The following ARL15 variants were observed in gnomAD, a reference collection of about 807,000 sequenced individuals.
The protein encoded by ARL15 is ADP-ribosylation factor-like protein 15.
A neutral mutation model predicts 25.2 loss-of-function variants in ARL15; 19 were observed. The observed-to-expected ratio is 0.75, with a 90% confidence interval of 0.53 to 1.10. The LOEUF (loss-of-function observed/expected upper bound fraction) is 1.10. Among genes scored for constraint, ARL15 ranks in the 50% least tolerant of loss-of-function variants. The probability of loss-of-function intolerance (pLI) is 0.00; values close to 1 mark genes in which losing one functional copy is unlikely to be tolerated. For missense variants in ARL15, 220 were observed against 246.0 expected (o/e 0.89, Z 0.71); for synonymous variants, 94 against 86.8 (o/e 1.08, Z -0.46).
intron 1 of ARL15, among the ~76,000 whole-genome samples, chr5:54,173,117 AG>A (rs951050565): frequency 3.0e-4 from 45 of 151,486 alleles, no homozygotes; most frequent in African/African-American, 1.0e-3. Flanking sequence ...TGGGTGGCAG[AG>A]GTTGCAGTGA....
rs5867914 is a variant in ARL15 at position 54,134,568 on chromosome 5, C to CTTTTT, written c.253+20007_253+20011dup. On this transcript the variant is annotated intron_variant, in intron 3 of 4. Coordinates refer to ENST00000504924, the MANE Select transcript of ARL15 (RefSeq NM_019087.3). Reference sequence around the variant, plus strand: ...GTGAGCTCCCTGAAGGAATGATTAGCTTTTTTTTTTTTTTTTTTTTTTTTT... The same window carrying CTTTTT: ...GTGAGCTCCCTGAAGGAATGATTAGCTTTTTTTTTTTTTTTTTTTTTTTTTTTTTT... Among the ~76,000 whole-genome samples the CTTTTT allele has an allele frequency of 7.7e-4, 40 of 51,804 alleles. 3 individuals are homozygous for CTTTTT. Among genetic ancestry groups the CTTTTT allele is most frequent in the Non-Finnish European group, 1.0e-3 (31 of 29,550 alleles). 34.0% of individuals were successfully genotyped at this position (51,804 alleles called of 152,430 possible). A position where few individuals can be genotyped will look rare whatever the true frequency, so the allele number is the denominator to read the frequency against.
intron 4 of ARL15, among the ~76,000 whole-genome samples, chr5:53,916,774 A>G (rs950958963): frequency 6.6e-6 from 1 of 152,114 alleles, no homozygotes; most frequent in Non-Finnish European, 1.5e-5. Flanking sequence ...TTAACAACAC[A>G]AGAAGGCCCA....
chr5:54,308,563 G>A (rs920333763), intron 1 of ARL15, among the ~76,000 whole-genome samples: 1 of 151,754 alleles, frequency 6.6e-6, no homozygotes, highest in African/African-American at 2.4e-5. Context: ...AAAACAAAAA[G>A]GCCAAGTCAA....
chr5:54,279,952 T>C (rs1340994581), intron 1 of ARL15, among the ~76,000 whole-genome samples: 1 of 152,210 alleles, frequency 6.6e-6, no homozygotes, highest in African/African-American at 2.4e-5. Context: ...AGGTCTACCA[T>C]GGCATTCGTG....
chr5:54,226,843 C>T (rs1756532170), intron 1 of ARL15, among the ~76,000 whole-genome samples: 1 of 152,072 alleles, frequency 6.6e-6, no homozygotes, highest in Admixed American at 6.5e-5. Flanking sequence ...CCCATAATTC[C>T]CAAGTGTTGT....
At chr5:54,306,654 G>A (rs1191922132) in intron 1 of ARL15, among the ~76,000 whole-genome samples, 2 of 152,100 alleles carry the variant, frequency 1.3e-5, no homozygotes, top group African/African-American at 4.8e-5. Flanking sequence ...CCCTCCCAAA[G>A]TCCTGGGATT....
chr5:53,966,938 A>G (rs1276934233), intron 4 of ARL15, among the ~76,000 whole-genome samples: 2 of 152,240 alleles, frequency 1.3e-5, no homozygotes, highest in South Asian at 2.1e-4. Context: ...GAAAGATCCT[A>G]TACATCTACC....
chr5:54,000,986 TG>T (rs1440351436), intron 4 of ARL15, among the ~76,000 whole-genome samples: 1 of 152,222 alleles, frequency 6.6e-6, no homozygotes, highest in East Asian at 1.9e-4. Context: ...GTTACTATCT[TG>T]AAATTCTTAA....
chr5:54,209,723 CTT>C (rs948778279), intron 1 of ARL15, among the ~76,000 whole-genome samples: 2 of 151,922 alleles, frequency 1.3e-5, no homozygotes, highest in African/African-American at 4.8e-5. Context: ...CAGGTCATTT[CTT>C]TTACCTAGAC....
chr5:54,168,682 C>T (rs154020), intron 2 of ARL15, among the ~76,000 whole-genome samples: 32,081 of 151,868 alleles, frequency 0.21, 4,126 homozygotes, highest in East Asian at 0.68. Flanking sequence ...TATACCTATG[C>T]TTTCTATCCC....
intron 1 of ARL15, among the ~76,000 whole-genome samples, chr5:54,298,295 A>G (rs1285709995): frequency 6.6e-6 from 1 of 152,148 alleles, no homozygotes; most frequent in East Asian, 1.9e-4. Flanking sequence ...CTACACAAGG[A>G]AAGAAAAAAG....
At chr5:54,042,814 G>T (rs1750384542) in intron 4 of ARL15, among the ~76,000 whole-genome samples, 1 of 152,120 alleles carries the variant, frequency 6.6e-6, no homozygotes, top group African/African-American at 2.4e-5. Flanking sequence ...CCAAGTGGGG[G>T]TGGGGTGTAA....
At chr5:54,133,203 C>T (rs1753488844) in intron 3 of ARL15, among the ~76,000 whole-genome samples, 1 of 152,076 alleles carries the variant, frequency 6.6e-6, no homozygotes, top group South Asian at 2.1e-4. Context: ...CCAAATTACA[C>T]AGGACAACAC....
chr5:53,890,377 A>AT (rs1351608493), intron 4 of ARL15, among the ~76,000 whole-genome samples: 1 of 152,178 alleles, frequency 6.6e-6, no homozygotes, highest in African/African-American at 2.4e-5. Flanking sequence ...TGGACATACA[A>AT]TTTTTTAAGG....
Position 54,123,150 on chromosome 5 carries a change from C to T in ARL15, c.254-9740G>A, listed in dbSNP as rs199798975. ...TTGAGACGGAGTTTCGCTCTTTTTG[C>T]GCAGGCTGGAGTGCAATGGTGCCAT... On this transcript the variant is annotated intron_variant, in intron 3 of 4. Coordinates refer to ENST00000504924, the MANE Select transcript of ARL15 (RefSeq NM_019087.3). 2.4e-4 allele frequency among the ~76,000 whole-genome samples: 36 copies of T among 147,934 alleles called. No homozygotes were observed. The East Asian group carries it at 5.7e-3, about 23-fold the overall frequency.
intron 3 of ARL15, among the ~76,000 whole-genome samples, chr5:54,124,240 A>G (rs1333747439): frequency 6.6e-6 from 1 of 152,222 alleles, no homozygotes; most frequent in African/African-American, 2.4e-5. Flanking sequence ...TAGTTGACTG[A>G]TAAGAAGATA....
intron 3 of ARL15, among the ~76,000 whole-genome samples, chr5:54,116,268 A>G (rs941306383): frequency 6.6e-6 from 1 of 152,170 alleles, no homozygotes; most frequent in African/African-American, 2.4e-5. Context: ...GTGAGTCATT[A>G]GCAGCCAATA....
chr5:54,093,229 TTGCTC>T (rs1752184195), intron 4 of ARL15, among the ~76,000 whole-genome samples: 1 of 152,144 alleles, frequency 6.6e-6, no homozygotes, highest in African/African-American at 2.4e-5. Context: ...CCTAGGGAGT[TTGCTC>T]TGTTCTAAGG....
chr5:53,996,678 T>C (rs893895061), intron 4 of ARL15, among the ~76,000 whole-genome samples: 10 of 149,140 alleles, frequency 6.7e-5, no homozygotes, highest in Non-Finnish European at 7.4e-5. Flanking sequence ...GCAGCTAACA[T>C]CTAGGTCTAT....
Sources: gnomAD v4.1 joint callset for allele counts (sites outside exome capture counted in the v4.1 genomes callset) on GRCh38, gnomAD v4.1.1 for gene constraint, MANE v1.5 for transcripts, NCBI Gene and HGNC (gene_info 2026-07-23, HGNC 2026-07-21) for gene names.